Variants in WDR20 observed in about 807,000 individuals in gnomAD.
WDR20 encodes WD repeat-containing protein 20.
WDR20 carries 3 observed loss-of-function variants against 38.7 expected under a neutral mutation model. The observed-to-expected ratio is 0.08, with a 90% CI of 0.04 to 0.20. The LOEUF (loss-of-function observed/expected upper bound fraction) is 0.20, where lower values mean the gene tolerates loss of function less well. Among genes scored for constraint, WDR20 ranks in the 10% least tolerant of loss-of-function variants. WDR20 has a pLI of 1.00. For synonymous variants in WDR20, 298 were observed against 285.6 expected, an observed-to-expected ratio of 1.04 and a Z score of -0.44; for missense variants, 559 against 727.7, an observed-to-expected ratio of 0.77 and a Z score of 2.67.
chr14:102,203,715 C>T (rs370247683), intron 2 of WDR20, among the ~76,000 whole-genome samples: 1 of 152,180 alleles, frequency 6.6e-6, no homozygotes, highest in South Asian at 2.1e-4. Flanking sequence ...CTCAGAGGGA[C>T]CGGGTATTTT....
intron 1 of WDR20, 132 bp from the exon 2 acceptor site, chr14:102,194,806 C>T (rs1461279527): frequency 5.0e-6 from 5 of 993,412 alleles, no homozygotes; most frequent in Non-Finnish European, 7.4e-6. Context: ...GATGTTAAGT[C>T]ACAACTGAAA....
chr14:102,187,409 T>TTG (rs2065103531), intron 1 of WDR20, among the ~76,000 whole-genome samples: 1 of 150,498 alleles, frequency 6.6e-6, no homozygotes, highest in African/African-American at 2.4e-5. Flanking sequence ...ACACATAGGC[T>TTG]GGGGGGGGGC....
chr14:102,177,142 C>CA (rs2062318997), intron 1 of WDR20, among the ~76,000 whole-genome samples: 1 of 152,196 alleles, frequency 6.6e-6, no homozygotes, highest in Non-Finnish European at 1.5e-5. Flanking sequence ...AGTGCCTCTT[C>CA]AAAATCTCTC....
chr14:102,147,729 T>C (rs998145165), intron 1 of WDR20, among the ~76,000 whole-genome samples: 1 of 152,116 alleles, frequency 6.6e-6, no homozygotes, highest in Non-Finnish European at 1.5e-5. Flanking sequence ...TATTTTATTT[T>C]AGTTTTAGTT....
rs144956996 is a variant in WDR20, at chr14:102,221,072, G to A, written c.1693-1758G>A. ...TTTTTAAGTTGTTAAACGTGCTCCCGGGAAGCTAAACTTAACACAGGACTG... is the reference window on the plus strand; with the variant it reads ...TTTTTAAGTTGTTAAACGTGCTCCCAGGAAGCTAAACTTAACACAGGACTG... On this transcript the variant is annotated intron_variant, in intron 3 of 3. Coordinates refer to the WDR20 transcript ENST00000335263. The surrounding 1 kb of genome is among the most constrained non-coding windows in gnomAD (Gnocchi z 4.8). Among the ~76,000 whole-genome samples, 88 of 152,308 alleles carry A rather than the reference G, an allele frequency of 5.8e-4. 1 individual carries two copies. Among genetic ancestry groups the A allele is most frequent in the African/African-American group, 2.0e-3 (84 of 41,578 alleles).
intron 1 of WDR20, among the ~76,000 whole-genome samples, chr14:102,163,068 T>C (rs1261985810): frequency 6.6e-6 from 1 of 152,162 alleles, no homozygotes; most frequent in Admixed American, 6.5e-5. Flanking sequence ...CCAAAACTCA[T>C]TTTAGGATTT....
downstream of WDR20, chr14:102,212,688 C>G: frequency 6.6e-7 from 1 of 1,507,890 alleles, no homozygotes; most frequent in Non-Finnish European, 8.9e-7. Context: ...TGGGGAGGGC[C>G]TGGGGAGGGG....
At chr14:102,164,760 C>CT (rs1190671718) in intron 1 of WDR20, among the ~76,000 whole-genome samples, 4 of 152,220 alleles carry the variant, frequency 2.6e-5, no homozygotes, top group Admixed American at 6.5e-5. Flanking sequence ...TCTTTCTACT[C>CT]TACCTAGAAT....
chr14:102,201,934 G>C (rs2060466089), intron 2 of WDR20, among the ~76,000 whole-genome samples: 1 of 151,802 alleles, frequency 6.6e-6, no homozygotes, highest in African/African-American at 2.4e-5. Context: ...CCCCTGCCCT[G>C]GAGGGGCTGC....
chr14:102,201,899 C>T (rs1395264430), intron 2 of WDR20, among the ~76,000 whole-genome samples: 1 of 152,168 alleles, frequency 6.6e-6, no homozygotes, highest in Admixed American at 6.5e-5. Context: ...TCGCTGAGCA[C>T]CTGCCCTGCC....
intron 2 of WDR20, among the ~76,000 whole-genome samples, chr14:102,199,414 G>T (rs921096657): frequency 3.3e-5 from 5 of 151,994 alleles, no homozygotes; most frequent in African/African-American, 1.2e-4. Flanking sequence ...GACGGAAAGG[G>T]TTCCGTGGGA....
chr14:102,183,496 G>A (rs2063857458), intron 1 of WDR20, among the ~76,000 whole-genome samples: 1 of 152,236 alleles, frequency 6.6e-6, no homozygotes, highest in African/African-American at 2.4e-5. Flanking sequence ...TGCTACACGT[G>A]TTGTTTATTG....
Position 102,222,797 on chromosome 14 carries a change from T to G in WDR20, c.1693-33T>G, listed in dbSNP as rs763179466. 6.2e-7 allele frequency: 1 copy of G among 1,613,976 alleles called. No homozygotes were observed. The highest frequency in any genetic ancestry group is 1.1e-5 in the South Asian group (1 of 91,070). On this transcript the variant is annotated intron_variant, in intron 3 of 3. Transcript: ENST00000335263. The surrounding 1 kb of genome is among the most constrained non-coding windows in gnomAD (Gnocchi z 4.4). ...TGGTGGCTGTTGCCCGTCCGGTGTT[T>G]TGCTGGATTAATGTAGACTGCTTTG...
chr14:102,172,059 C>A (rs1215481108), intron 1 of WDR20, among the ~76,000 whole-genome samples: 2 of 151,284 alleles, frequency 1.3e-5, no homozygotes, highest in African/African-American at 4.8e-5. Flanking sequence ...TGAGGCCTTC[C>A]GCAGTGTTTG....
Position 102,208,259 on chromosome 14 carries a change from C to T in WDR20, c.433-344C>T, listed in dbSNP as rs112565223. ...ATGCAGTGACCCCCAGATTCAGATG[C>T]ACCTACTGTCAAGGAAGAAAGATCC... On this transcript the variant is annotated intron_variant, in intron 2 of 2. Coordinates refer to ENST00000342702, the MANE Select transcript of WDR20 (RefSeq NM_144574.4). The surrounding 1 kb of genome is among the most constrained non-coding windows in gnomAD (Gnocchi z 5.6). Among the ~76,000 whole-genome samples, 36 of 152,324 alleles carry T rather than the reference C, an allele frequency of 2.4e-4. No individual in the cohort carries two copies. Among genetic ancestry groups the T allele is most frequent in the African/African-American group, 6.3e-4 (26 of 41,580 alleles).
chr14:102,167,112 C>T (rs1285946490), intron 1 of WDR20, among the ~76,000 whole-genome samples: 1 of 152,220 alleles, frequency 6.6e-6, no homozygotes, highest in Non-Finnish European at 1.5e-5. Context: ...CCCTTGCCTA[C>T]CTTATCAGTC....
intron 1 of WDR20, among the ~76,000 whole-genome samples, chr14:102,150,319 T>C (rs1482528194): frequency 2.6e-5 from 4 of 151,878 alleles, no homozygotes; most frequent in African/African-American, 9.7e-5. Flanking sequence ...CTACAAAAAT[T>C]AAAAATTAGC....
At chr14:102,210,629 C>T (rs929726222), downstream of WDR20, 3 of 777,206 alleles carry the variant, frequency 3.9e-6, no homozygotes, top group African/African-American at 5.7e-5. Flanking sequence ...ACGCCAACAG[C>T]ATTGCAGAAG....
At chr14:102,197,687 C>T (rs972472577) in intron 2 of WDR20, 2 of 638,392 alleles carry the variant, frequency 3.1e-6, no homozygotes, top group African/African-American at 3.6e-5. Flanking sequence ...GGAACTGACA[C>T]TGGAAGATGT....
Sources: gnomAD v4.1 joint callset for allele counts (sites outside exome capture counted in the v4.1 genomes callset) on GRCh38, gnomAD v4.1.1 for gene constraint, Gnocchi (gnomAD v3.1) non-coding constraint, MANE v1.5 for transcripts, NCBI Gene and HGNC (gene_info 2026-07-23, HGNC 2026-07-21) for gene names.